The following NR6A1 variants were observed in gnomAD, a reference collection of about 807,000 sequenced individuals.
NR6A1 encodes the protein retinoic acid receptor-related testis-associated receptor.
NR6A1 carries 7 observed loss-of-function variants against 59.1 expected under a neutral mutation model. The observed-to-expected ratio is 0.12, with a 90% CI of 0.07 to 0.22. The LOEUF is 0.22. Among genes scored for constraint, NR6A1 ranks in the 10% least tolerant of loss-of-function variants. The pLI, the probability that NR6A1 is intolerant of heterozygous loss-of-function variation, is 1.00. For synonymous variants in NR6A1, 243 were observed against 236.1 expected (o/e 1.03, Z -0.27); for missense variants, 468 against 611.6 (o/e 0.77, Z 2.48).
chr9:124,669,482 C>T (rs1837722472), intron 2 of NR6A1, among the ~76,000 whole-genome samples: 1 of 152,234 alleles, frequency 6.6e-6, no homozygotes, highest in Non-Finnish European at 1.5e-5. Context: ...AGTACCTTCA[C>T]AATGTGGCCC....
intron 2 of NR6A1, among the ~76,000 whole-genome samples, chr9:124,569,222 A>G (rs1398642622): frequency 3.3e-5 from 5 of 152,216 alleles, no homozygotes; most frequent in African/African-American, 9.6e-5. Context: ...AACTACGTGC[A>G]ATCTATCTTG....
intron 2 of NR6A1, among the ~76,000 whole-genome samples, chr9:124,729,094 T>C (rs1301709057): frequency 6.6e-6 from 1 of 152,234 alleles, no homozygotes; most frequent in African/African-American, 2.4e-5. Flanking sequence ...TAGATAAGTC[T>C]AGATTAAGCC....
chr9:124,685,298 G>C (rs1426997571), intron 2 of NR6A1, among the ~76,000 whole-genome samples: 1 of 152,188 alleles, frequency 6.6e-6, no homozygotes, highest in Non-Finnish European at 1.5e-5. Flanking sequence ...ACTTTTAGCA[G>C]GCTACATTTC....
intron 2 of NR6A1, among the ~76,000 whole-genome samples, chr9:124,641,062 C>G (rs1287921907): frequency 6.6e-6 from 1 of 152,064 alleles, no homozygotes; most frequent in Non-Finnish European, 1.5e-5. Flanking sequence ...ATAAATAAAA[C>G]ACAAAGTCGC....
chr9:124,751,751 T>G (rs898785478), intron 1 of NR6A1, among the ~76,000 whole-genome samples: 1 of 152,174 alleles, frequency 6.6e-6, no homozygotes, highest in South Asian at 2.1e-4. Flanking sequence ...ATAGACAAAG[T>G]ACAATAAATT....
In NR6A1 at chr9:124,535,869, A is replaced by G; in HGVS notation, c.1079+9T>C. 1 of 1,613,496 alleles carries G rather than the reference A, an allele frequency of 6.2e-7. No individual in the cohort carries two copies. ...GTTTGGTATTTCCTCCCCAGCCAGGAGGCCTCACCTGTGTAGTTCTTCATC... is the reference window on the plus strand; with the variant it reads ...GTTTGGTATTTCCTCCCCAGCCAGGGGGCCTCACCTGTGTAGTTCTTCATC... On this transcript the variant is annotated intron_variant, in intron 7 of 9. Coordinates refer to ENST00000487099, the MANE Select transcript of NR6A1 (RefSeq NM_033334.4).
chr9:124,686,249 A>T (rs1411119177), intron 2 of NR6A1, among the ~76,000 whole-genome samples: 1 of 152,236 alleles, frequency 6.6e-6, no homozygotes, highest in South Asian at 2.1e-4. Context: ...TCACTGATAC[A>T]TCATCTGCGC....
chr9:124,690,693 G>A (rs1214091266), intron 2 of NR6A1, among the ~76,000 whole-genome samples: 1 of 152,006 alleles, frequency 6.6e-6, no homozygotes, highest in African/African-American at 2.4e-5. Flanking sequence ...ACCCTGCCTG[G>A]TCACTCTTAG....
chr9:124,621,483 TAA>T (rs11366819), intron 2 of NR6A1, among the ~76,000 whole-genome samples: 236 of 143,406 alleles, frequency 1.6e-3, no homozygotes, highest in Middle Eastern at 3.5e-3. Flanking sequence ...CCAATATCTT[TAA>T]AAAAAAAAAA....
At chr9:124,709,183 T>C (rs945293833) in intron 2 of NR6A1, among the ~76,000 whole-genome samples, 3 of 152,220 alleles carry the variant, frequency 2.0e-5, no homozygotes, top group East Asian at 1.9e-4. Flanking sequence ...CCAGATTCCA[T>C]AGTCAGTTTC....
intron 2 of NR6A1, among the ~76,000 whole-genome samples, chr9:124,727,912 T>A (rs1839769641): frequency 6.6e-6 from 1 of 152,132 alleles, no homozygotes; most frequent in African/African-American, 2.4e-5. Flanking sequence ...CTCGATCTCC[T>A]GACCTCATGA....
chr9:124,656,828 G>A (rs927638159), intron 2 of NR6A1, among the ~76,000 whole-genome samples: 4 of 152,028 alleles, frequency 2.6e-5, no homozygotes, highest in East Asian at 1.9e-4. Context: ...GTAAAATTCC[G>A]TCTCCAAAAA....
At chr9:124,625,528 C>T (rs145326310) in intron 2 of NR6A1, among the ~76,000 whole-genome samples, 2 of 152,198 alleles carry the variant, frequency 1.3e-5, no homozygotes, top group African/African-American at 4.8e-5. Flanking sequence ...CCTTATGCTG[C>T]CCAGGCTCAT....
intron 2 of NR6A1, among the ~76,000 whole-genome samples, chr9:124,567,831 CTTT>C (rs534591761): frequency 2.0e-5 from 2 of 101,306 alleles, no homozygotes; most frequent in Non-Finnish European, 4.2e-5. Flanking sequence ...TAAAAATTTG[CTTT>C]TTTTTTTTTT....
chr9:124,579,195 T>C (rs570519508), intron 2 of NR6A1, among the ~76,000 whole-genome samples: 42 of 152,276 alleles, frequency 2.8e-4, no homozygotes, highest in African/African-American at 6.5e-4. Flanking sequence ...AGGTGGAGGA[T>C]TGCCTGAGCT....
intron 7 of NR6A1, among the ~76,000 whole-genome samples, chr9:124,531,645 T>C (rs1036780393): frequency 2.0e-4 from 31 of 152,134 alleles, no homozygotes; most frequent in Non-Finnish European, 3.7e-4. Context: ...TAGGCAGTCC[T>C]ACATGCACCT....
At chr9:124,629,901 G>T (rs989419956) in intron 2 of NR6A1, among the ~76,000 whole-genome samples, 1 of 152,080 alleles carries the variant, frequency 6.6e-6, no homozygotes, top group Non-Finnish European at 1.5e-5. Flanking sequence ...CCAAATTTTA[G>T]GGCAACTTTA....
At chr9:124,530,700 G>A (rs1331936454) in intron 7 of NR6A1, among the ~76,000 whole-genome samples, 1 of 152,166 alleles carries the variant, frequency 6.6e-6, no homozygotes, top group African/African-American at 2.4e-5. Context: ...CCCCAGGAGT[G>A]GCCATCAGCC....
chr9:124,538,111 G>A lies in NR6A1; in HGVS notation c.805C>T (p.Pro269Ser). Residue 269 changes from proline to serine, a missense_variant, in exon 6 of 10, where the codon CCC (proline) becomes TCC (serine). Coordinates refer to ENST00000487099, the MANE Select transcript of NR6A1 (RefSeq NM_033334.4). ...ACTCACCCATCTTCAATCAACATGG[G>A]CGTGCCCAATGGTTCCAGGTCCTCG... is the stretch of plus-strand genomic sequence containing the variant. ...SAEDLEPLGT[P>S]MLIEDGYAVT... 1.9e-6 allele frequency: 3 copies of A among 1,611,250 alleles called. No homozygotes were observed. Among genetic ancestry groups the A allele is most frequent in the Non-Finnish European group, 2.5e-6 (3 of 1,178,378 alleles).
Sources: gnomAD v4.1 joint callset for allele counts (sites outside exome capture counted in the v4.1 genomes callset) on GRCh38, gnomAD v4.1.1 for gene constraint, MANE v1.5 for transcripts, NCBI Gene and HGNC (gene_info 2026-07-23, HGNC 2026-07-21) for gene names.